LHPP: variants seen among roughly 807,000 people sequenced by gnomAD.
LHPP encodes phospholysine phosphohistidine inorganic pyrophosphate phosphatase, also known as hLHPP.
A neutral mutation model predicts 30.3 loss-of-function variants in LHPP; 24 were observed. The observed-to-expected ratio is 0.79, with a 90% confidence interval of 0.57 to 1.11. The LOEUF is 1.11. Among genes scored for constraint, LHPP ranks in the 50% most tolerant of loss-of-function variants. The pLI, the probability that LHPP is intolerant of heterozygous loss-of-function variation, is 0.00. For missense variants in LHPP, 356 were observed against 367.2 expected, an observed-to-expected ratio of 0.97 and a Z score of 0.25; for synonymous variants, 150 against 157.1, an observed-to-expected ratio of 0.95 and a Z score of 0.34.
chr10:124,550,946 C>T (rs989275765), intron 6 of LHPP, among the ~76,000 whole-genome samples: 13 of 152,300 alleles, frequency 8.5e-5, no homozygotes, highest in Middle Eastern at 3.4e-3. Flanking sequence ...ACTAGAGCTC[C>T]GCTTGTGCCA....
chr10:124,574,441 G>A (rs1948631384), intron 6 of LHPP, among the ~76,000 whole-genome samples: 1 of 152,336 alleles, frequency 6.6e-6, no homozygotes, highest in African/African-American at 2.4e-5. Context: ...CTGGCTCGAG[G>A]ATGGGCGGGA....
intron 3 of LHPP, among the ~76,000 whole-genome samples, chr10:124,491,641 T>C (rs754953420): frequency 3.3e-5 from 5 of 152,182 alleles, no homozygotes; most frequent in Non-Finnish European, 7.3e-5. Flanking sequence ...GCCTTAAATG[T>C]GGGCTGGGGA....
intron 6 of LHPP, among the ~76,000 whole-genome samples, chr10:124,547,894 G>T (rs182620982): frequency 4.5e-4 from 69 of 152,352 alleles, no homozygotes; most frequent in Non-Finnish European, 7.9e-4. Context: ...AGTGGAGGTG[G>T]GTGGCCACAC....
intron 6 of LHPP, among the ~76,000 whole-genome samples, chr10:124,522,725 C>CG (rs149860785): frequency 2.7e-5 from 4 of 148,576 alleles, no homozygotes; most frequent in East Asian, 2.0e-4. Context: ...CTGCCCACGC[C>CG]CCCCCCCAAG....
chr10:124,582,243 G>A (rs1475022747), intron 6 of LHPP, among the ~76,000 whole-genome samples: 2 of 152,110 alleles, frequency 1.3e-5, no homozygotes, highest in African/African-American at 2.4e-5. Flanking sequence ...ACCATTCTTG[G>A]TGAATTTTTA....
At chr10:124,470,950 C>G (rs1029000615) in intron 1 of LHPP, among the ~76,000 whole-genome samples, 1 of 152,056 alleles carries the variant, frequency 6.6e-6, no homozygotes, top group Non-Finnish European at 1.5e-5. Flanking sequence ...AGATGGGAGC[C>G]GGTGCTCTTT....
chr10:124,535,240 G>A (rs950842820), intron 6 of LHPP, among the ~76,000 whole-genome samples: 3 of 152,130 alleles, frequency 2.0e-5, no homozygotes, highest in African/African-American at 7.2e-5. Flanking sequence ...AACTGACATC[G>A]TCCTCACTTT....
intron 5 of LHPP, chr10:124,498,387 G>A: frequency 6.4e-7 from 1 of 1,551,548 alleles, no homozygotes; most frequent in Non-Finnish European, 8.7e-7. Flanking sequence ...AGTTTTTGCT[G>A]CTTCTCTGAA....
chr10:124,600,251 C>T (rs896578850), intron 6 of LHPP, among the ~76,000 whole-genome samples: 3 of 152,206 alleles, frequency 2.0e-5, no homozygotes, highest in Admixed American at 2.0e-4. Context: ...GCTGGTTTGG[C>T]GCAGCCCCGG....
In LHPP at chr10:124,600,580, C is replaced by A. The variant is rs59540431; in HGVS notation, c.717-12684C>A. Among the ~76,000 whole-genome samples the A allele has an allele frequency of 2.8e-4, 42 of 152,350 alleles. 2 individuals carry two copies. The East Asian group carries it at 7.9e-3, about 29-fold the overall frequency. ...TGCAACCTAGGTGCCCGGGGTCTCA[C>A]GCAGTGGGGCCTCCCCGGAGGAGGT... is the stretch of plus-strand genomic sequence containing the variant. On this transcript the variant is annotated intron_variant, in intron 6 of 6. Transcript: ENST00000368842.
chr10:124,612,365 A>G (rs541129674), intron 6 of LHPP, among the ~76,000 whole-genome samples: 1 of 152,282 alleles, frequency 6.6e-6, no homozygotes, highest in South Asian at 2.1e-4. Context: ...AGATCGCACC[A>G]TTGCACTCCA....
intron 6 of LHPP, chr10:124,554,061 G>A: frequency 2.0e-6 from 2 of 985,480 alleles, no homozygotes; most frequent in Non-Finnish European, 2.4e-6. Flanking sequence ...GCCTGTAGTT[G>A]CGGGGCGGTG....
intron 2 of LHPP, 128 bp downstream of exon 2, chr10:124,484,454 TG>T: frequency 3.2e-6 from 3 of 924,774 alleles, no homozygotes; most frequent in Non-Finnish European, 3.3e-6. Context: ...ACTCATGGGT[TG>T]GGGGTAAAAA....
chr10:124,585,694 G>C (rs1450026491), intron 6 of LHPP, among the ~76,000 whole-genome samples: 1 of 152,200 alleles, frequency 6.6e-6, no homozygotes, highest in African/African-American at 2.4e-5. Flanking sequence ...AAACTCCTGG[G>C]CTCAAGTAAT....
intron 6 of LHPP, among the ~76,000 whole-genome samples, chr10:124,529,962 T>G (rs765857880): frequency 9.5e-4 from 145 of 152,328 alleles, no homozygotes; most frequent in Non-Finnish European, 1.7e-3. Flanking sequence ...ATGCTGGTCT[T>G]TGGCAGTGTG....
At chr10:124,513,043 T>A (rs1954346760) in intron 5 of LHPP, among the ~76,000 whole-genome samples, 1 of 152,192 alleles carries the variant, frequency 6.6e-6, no homozygotes, top group Non-Finnish European at 1.5e-5. Context: ...TAGCCCCTCT[T>A]AGCATCTGAA....
intron 6 of LHPP, among the ~76,000 whole-genome samples, chr10:124,586,324 C>T (rs1948803297): frequency 6.6e-6 from 1 of 152,174 alleles, no homozygotes; most frequent in Admixed American, 6.5e-5. Flanking sequence ...TTAGTCACCT[C>T]AAGGGGTGGG....
chr10:124,571,654 TC>T (rs1370118364), intron 6 of LHPP, among the ~76,000 whole-genome samples: 1 of 152,038 alleles, frequency 6.6e-6, no homozygotes, highest in Admixed American at 6.5e-5. Flanking sequence ...ATTTATGAGA[TC>T]ATGGACCTCT....
At chr10:124,560,767 G>A (rs1392193397) in intron 6 of LHPP, among the ~76,000 whole-genome samples, 1 of 152,206 alleles carries the variant, frequency 6.6e-6, no homozygotes, top group East Asian at 1.9e-4. Flanking sequence ...GCTCTCCGGG[G>A]TCTTCTGCAG....
Sources: gnomAD v4.1 joint callset for allele counts (sites outside exome capture counted in the v4.1 genomes callset) on GRCh38, gnomAD v4.1.1 for gene constraint, MANE v1.5 for transcripts, NCBI Gene and HGNC (gene_info 2026-07-23, HGNC 2026-07-21) for gene names.